GABRB1: variants seen among roughly 807,000 people sequenced by gnomAD.
GABRB1 encodes the protein gamma-aminobutyric acid receptor subunit beta-1.
Under a neutral mutation model 51.6 loss-of-function variants are expected in GABRB1, and 17 were observed. The observed-to-expected ratio is 0.33, with a 90% confidence interval of 0.23 to 0.49. The LOEUF is 0.49. Among genes scored for constraint, GABRB1 ranks in the 20% least tolerant of loss-of-function variants. GABRB1 has a pLI of 0.99. For missense variants in GABRB1, 410 were observed against 600.6 expected (o/e 0.68, Z 3.32); for synonymous variants, 247 against 218.9 (o/e 1.13, Z -1.14).
chr4:47,195,589 T>C (rs1297502956), intron 4 of GABRB1, among the ~76,000 whole-genome samples: 1 of 152,198 alleles, frequency 6.6e-6, no homozygotes. Context: ...ACTGTATAAA[T>C]GTTGGTAAGC....
intron 3 of GABRB1, among the ~76,000 whole-genome samples, chr4:47,119,483 G>T (rs1237962721): frequency 1.3e-5 from 2 of 150,586 alleles, no homozygotes; most frequent in African/African-American, 4.9e-5. Flanking sequence ...ACAAAACTCA[G>T]ATTGACAAAA....
chr4:47,282,876 T>C (rs1337689798), intron 4 of GABRB1, among the ~76,000 whole-genome samples: 1 of 152,116 alleles, frequency 6.6e-6, no homozygotes, highest in Non-Finnish European at 1.5e-5. Context: ...AATAGAAAGG[T>C]GGCCATGGTA....
chr4:47,227,125 G>A (rs1379535074), intron 4 of GABRB1, among the ~76,000 whole-genome samples: 2 of 152,056 alleles, frequency 1.3e-5, no homozygotes, highest in Admixed American at 1.3e-4. Context: ...TCCCTTCTCT[G>A]CTCCTCTCTG....
intron 5 of GABRB1, among the ~76,000 whole-genome samples, chr4:47,399,018 C>T (rs1044371618): frequency 6.6e-6 from 1 of 152,188 alleles, no homozygotes; most frequent in Non-Finnish European, 1.5e-5. Flanking sequence ...TCTCAATCTC[C>T]TGACCTCGTG....
At chr4:47,299,073 T>A (rs944356502) in intron 4 of GABRB1, among the ~76,000 whole-genome samples, 4 of 151,164 alleles carry the variant, frequency 2.6e-5, no homozygotes, top group Non-Finnish European at 5.9e-5. Context: ...CCTTACACCT[T>A]ATACAAAAAT....
chr4:47,369,120 T>A (rs768721507), intron 5 of GABRB1, among the ~76,000 whole-genome samples: 118 of 122,034 alleles, frequency 9.7e-4, no homozygotes, highest in Middle Eastern at 4.1e-3. Flanking sequence ...TTTAAAAAAA[T>A]TTTTTTTTAA....
intron 4 of GABRB1, among the ~76,000 whole-genome samples, chr4:47,262,202 T>A (rs181720595): frequency 6.6e-6 from 1 of 151,884 alleles, no homozygotes; most frequent in Non-Finnish European, 1.5e-5. Flanking sequence ...TGGGATCTCA[T>A]TAAACTAAAG....
chr4:47,000,782 T>C (rs1375580484), intron 1 of GABRB1, among the ~76,000 whole-genome samples: 2 of 152,232 alleles, frequency 1.3e-5, no homozygotes, highest in Non-Finnish European at 2.9e-5. Flanking sequence ...AGACTTTTTA[T>C]ATGCCGGCTG....
At chr4:47,374,235 G>A (rs963727512) in intron 5 of GABRB1, among the ~76,000 whole-genome samples, 1 of 151,972 alleles carries the variant, frequency 6.6e-6, no homozygotes, top group Non-Finnish European at 1.5e-5. Context: ...AATAATAAAA[G>A]AAAATTAGCT....
At chr4:47,308,653 G>A (rs1260933666) in intron 4 of GABRB1, among the ~76,000 whole-genome samples, 1 of 152,086 alleles carries the variant, frequency 6.6e-6, no homozygotes, top group Non-Finnish European at 1.5e-5. Flanking sequence ...CAAAGCAATA[G>A]AATTGGTTTG....
At chr4:47,235,924 TA>T (rs1190268820) in intron 4 of GABRB1, among the ~76,000 whole-genome samples, 1 of 152,140 alleles carries the variant, frequency 6.6e-6, no homozygotes, top group African/African-American at 2.4e-5. Flanking sequence ...CACAATGTCT[TA>T]TCTTTATAGC....
At chr4:47,248,444 C>T (rs558503922) in intron 4 of GABRB1, among the ~76,000 whole-genome samples, 10 of 152,020 alleles carry the variant, frequency 6.6e-5, no homozygotes, top group South Asian at 4.2e-4. Context: ...AGGATTTTAG[C>T]ATCTATGTTC....
intron 4 of GABRB1, among the ~76,000 whole-genome samples, chr4:47,251,811 CTG>C (rs1422153689): frequency 6.6e-6 from 1 of 152,112 alleles, no homozygotes; most frequent in African/African-American, 2.4e-5. Flanking sequence ...CCCATGCAAA[CTG>C]AAGGGCATGT....
chr4:47,380,515 G>A (rs1208322411), intron 5 of GABRB1, among the ~76,000 whole-genome samples: 5 of 152,156 alleles, frequency 3.3e-5, no homozygotes, highest in Non-Finnish European at 7.3e-5. Flanking sequence ...ACTATGGGAT[G>A]TGGGTGATAA....
At chr4:47,172,391 A>G (rs762264392) in intron 4 of GABRB1, among the ~76,000 whole-genome samples, 1 of 152,160 alleles carries the variant, frequency 6.6e-6, no homozygotes, top group Non-Finnish European at 1.5e-5. Flanking sequence ...CCATATTTAC[A>G]GGAAGTAGTG....
At chr4:47,228,280 T>C (rs1721021490) in intron 4 of GABRB1, among the ~76,000 whole-genome samples, 1 of 152,112 alleles carries the variant, frequency 6.6e-6, no homozygotes, top group Non-Finnish European at 1.5e-5. Flanking sequence ...TATGAATCTG[T>C]GAAACCAGAT....
intron 3 of GABRB1, among the ~76,000 whole-genome samples, chr4:47,064,193 G>T (rs67940104): frequency 0.11 from 16,620 of 152,176 alleles, 1,342 homozygotes; most frequent in East Asian, 0.28. Context: ...GTTTGCCTCT[G>T]CCCTGTGCAC....
At chr4:47,188,573 T>A (rs1457104765) in intron 4 of GABRB1, among the ~76,000 whole-genome samples, 1 of 151,950 alleles carries the variant, frequency 6.6e-6, no homozygotes, top group Non-Finnish European at 1.5e-5. Flanking sequence ...CATTGGTTTG[T>A]CAGAAATCCG....
intron 4 of GABRB1, among the ~76,000 whole-genome samples, chr4:47,172,041 C>T (rs1718458607): frequency 1.3e-5 from 2 of 151,874 alleles, no homozygotes; most frequent in South Asian, 4.2e-4. Context: ...CCTGGTATGT[C>T]ATTTCTTATT....
Sources: allele counts gnomAD v4.1 joint callset (sites outside exome capture counted in the v4.1 genomes callset), GRCh38; gene constraint gnomAD v4.1.1; transcripts MANE v1.5; gene names NCBI Gene and HGNC (gene_info 2026-07-23, HGNC 2026-07-21).